Variants in ACYP2 observed in about 807,000 individuals in gnomAD.
The protein encoded by ACYP2 is acylphosphatase 2, also known as acylphosphatase-2.
Under a neutral mutation model 11.2 loss-of-function variants are expected in ACYP2, and 12 were observed. The observed-to-expected ratio is 1.08, with a 90% CI of 0.69 to 1.74. The LOEUF (loss-of-function observed/expected upper bound fraction) is 1.74, where lower values mean the gene tolerates loss of function less well. Among genes scored for constraint, ACYP2 ranks in the 40% most tolerant of loss-of-function variants. The pLI is 0.00. For synonymous variants in ACYP2, 43 were observed against 32.2 expected (o/e 1.33, Z -1.13); for missense variants, 134 against 101.9 (o/e 1.31, Z -1.35).
intron 4 of ACYP2, among the ~76,000 whole-genome samples, chr2:54,112,100 T>C (rs748742661): frequency 6.6e-6 from 1 of 152,232 alleles, no homozygotes; most frequent in Non-Finnish European, 1.5e-5. Flanking sequence ...GTATTATCTA[T>C]GCTTATTTTA....
chr2:54,289,457 A>C (rs1297171368), intron 6 of ACYP2, among the ~76,000 whole-genome samples: 1 of 152,038 alleles, frequency 6.6e-6, no homozygotes, highest in Admixed American at 6.5e-5. Context: ...GGGATTTAGC[A>C]ATGACTTTGT....
At chr2:54,225,825 T>C (rs1319152895) in intron 6 of ACYP2, among the ~76,000 whole-genome samples, 2 of 152,064 alleles carry the variant, frequency 1.3e-5, no homozygotes, top group African/African-American at 4.8e-5. Context: ...AATAATAAAA[T>C]AAGCTTTTAC....
chr2:54,070,184 C>G (rs1410362696), intron 4 of ACYP2, among the ~76,000 whole-genome samples: 1 of 150,434 alleles, frequency 6.6e-6, no homozygotes, highest in East Asian at 2.0e-4. Context: ...GCAGGAGAAT[C>G]TCTTGAACCT....
At chr2:54,201,647 T>TTTCTTTCC (rs1684816503) in intron 6 of ACYP2, among the ~76,000 whole-genome samples, 1 of 88,564 alleles carries the variant, frequency 1.1e-5, no homozygotes, top group Admixed American at 1.1e-4. Flanking sequence ...TCTTTCTTTC[T>TTTCTTTCC]TTCTTTCTTT....
intron 6 of ACYP2, among the ~76,000 whole-genome samples, chr2:54,204,113 G>C (rs1178101385): frequency 6.6e-6 from 1 of 152,120 alleles, no homozygotes; most frequent in African/African-American, 2.4e-5. Context: ...ACCTGTCTCA[G>C]CCTCCTGAGT....
At chr2:54,013,739 AAAAAG>A (rs989603721) in intron 2 of ACYP2, among the ~76,000 whole-genome samples, 8 of 144,652 alleles carry the variant, frequency 5.5e-5, no homozygotes, top group Non-Finnish European at 9.0e-5. Context: ...GAAAAAAAAA[AAAAAG>A]AGAGAGAGAG....
intron 2 of ACYP2, among the ~76,000 whole-genome samples, chr2:53,992,784 C>G (rs1672364279): frequency 6.7e-6 from 1 of 149,650 alleles, no homozygotes. Flanking sequence ...CGAGCTGAGA[C>G]CACACCACTG....
chr2:54,186,809 C>T (rs72908736), intron 6 of ACYP2, among the ~76,000 whole-genome samples: 10,764 of 152,022 alleles, frequency 0.071, 729 homozygotes, highest in African/African-American at 0.17. Context: ...CCACCGTACC[C>T]GGCCAATAGT....
intron 2 of ACYP2, among the ~76,000 whole-genome samples, chr2:54,005,581 C>T (rs908937764): frequency 6.6e-6 from 1 of 152,156 alleles, no homozygotes; most frequent in African/African-American, 2.4e-5. Context: ...TCAGGTGATC[C>T]ACCTGCCTCA....
rs944184982 is a variant in ACYP2 at position 54,291,600 on chromosome 2, A to G, written c.405-13088A>G. ...TTCAAATGTGATTTAGTCATTATTA[A>G]TCAGAGGTATTCCTGTGAAATTTGA... On this transcript the variant is annotated intron_variant, in intron 6 of 6. Transcript: ENST00000607452. Among the ~76,000 whole-genome samples the G allele has an allele frequency of 2.6e-5, 4 of 152,268 alleles. No homozygotes were observed. In the South Asian group the frequency reaches 8.3e-4, roughly 32 times the overall value.
chr2:54,089,374 T>A (rs1023014780), intron 4 of ACYP2, among the ~76,000 whole-genome samples: 1 of 151,832 alleles, frequency 6.6e-6, no homozygotes, highest in Non-Finnish European at 1.5e-5. Flanking sequence ...GGAGAGGAGA[T>A]TGCTTGAGGC....
chr2:54,252,620 T>C (rs1687277936), intron 6 of ACYP2, among the ~76,000 whole-genome samples: 2 of 152,168 alleles, frequency 1.3e-5, no homozygotes, highest in East Asian at 3.8e-4. Flanking sequence ...TAAGGAAAGA[T>C]CCCATTGGCA....
intron 6 of ACYP2, among the ~76,000 whole-genome samples, chr2:54,296,560 C>T (rs1197153149): frequency 1.3e-5 from 2 of 152,112 alleles, no homozygotes; most frequent in East Asian, 3.9e-4. Flanking sequence ...TGTCCTTTTC[C>T]ATTCCATAAA....
At chr2:54,039,000 C>T (rs992493386) in intron 2 of ACYP2, among the ~76,000 whole-genome samples, 1 of 151,576 alleles carries the variant, frequency 6.6e-6, no homozygotes, top group African/African-American at 2.4e-5. Context: ...TGAGTCATAT[C>T]TGGGGGAAGA....
At chr2:54,000,943 C>T (rs1004667864) in intron 2 of ACYP2, among the ~76,000 whole-genome samples, 1 of 152,192 alleles carries the variant, frequency 6.6e-6, no homozygotes, top group Admixed American at 6.5e-5. Flanking sequence ...GTCTTGTGAG[C>T]TGACAATTTT....
chr2:54,155,797 T>A (rs904497702), intron 6 of ACYP2, among the ~76,000 whole-genome samples: 9 of 152,222 alleles, frequency 5.9e-5, no homozygotes, highest in Non-Finnish European at 1.2e-4. Flanking sequence ...ATTTTTAAAT[T>A]TCGCTTTTGA....
intron 2 of ACYP2, among the ~76,000 whole-genome samples, chr2:54,014,621 G>A (rs568118905): frequency 1.5e-4 from 23 of 152,106 alleles, no homozygotes; most frequent in Admixed American, 4.6e-4. Flanking sequence ...GCTCCCAGCC[G>A]TCCCCTATGC....
intron 6 of ACYP2, among the ~76,000 whole-genome samples, chr2:54,174,274 A>G (rs1001966635): frequency 7.2e-5 from 11 of 152,090 alleles, no homozygotes; most frequent in Non-Finnish European, 1.5e-4. Flanking sequence ...ATTCCTAGGT[A>G]TTTTATTCTC....
In ACYP2 at chr2:54,013,491, G is replaced by T. The variant is rs528940378; in HGVS notation, c.63-37467G>T. 1.5e-4 allele frequency among the ~76,000 whole-genome samples: 23 copies of T among 151,818 alleles called. No homozygotes were observed. The South Asian group carries it at 4.0e-3, about 26-fold the overall frequency. Reference sequence around the variant, plus strand: ...AATTTTGTATTTTTAGTAGAGACGCGGTTTCATCATGTTGGCCAGGCTGGT... The same window carrying T: ...AATTTTGTATTTTTAGTAGAGACGCTGTTTCATCATGTTGGCCAGGCTGGT... On this transcript the variant is annotated intron_variant, in intron 2 of 6. Transcript: ENST00000607452.
Sources: allele counts gnomAD v4.1 joint callset (sites outside exome capture counted in the v4.1 genomes callset), GRCh38; gene constraint gnomAD v4.1.1; transcripts MANE v1.5; gene names NCBI Gene and HGNC (gene_info 2026-07-23, HGNC 2026-07-21).